KSR2: variants seen among roughly 807,000 people sequenced by gnomAD.
KSR2 encodes the protein kinase suppressor of ras 2.
KSR2 carries 25 observed loss-of-function variants against 107.8 expected under a neutral mutation model. The observed-to-expected ratio is 0.23, with a 90% CI of 0.17 to 0.32. KSR2 has a LOEUF of 0.32. Ranked by LOEUF, KSR2 falls within the 10% of genes least tolerant of loss-of-function variation. The pLI is 1.00. For missense variants in KSR2, 887 were observed against 1,268.9 expected (o/e 0.70, Z 4.57); for synonymous variants, 480 against 507.0 (o/e 0.95, Z 0.71).
chr12:117,839,753 C>G (rs1892386708), intron 3 of KSR2, among the ~76,000 whole-genome samples: 2 of 152,120 alleles, frequency 1.3e-5, no homozygotes, highest in Non-Finnish European at 2.9e-5. Context: ...AAAGATGCAG[C>G]CCAGAAAGTT....
chr12:117,584,143 A>G (rs77815785), intron 5 of KSR2, among the ~76,000 whole-genome samples: 1,690 of 152,326 alleles, frequency 0.011, 28 homozygotes, highest in African/African-American at 0.039. Context: ...TAAGAGGGAG[A>G]CAGCATGATT....
In KSR2 at chr12:117,968,523, G is replaced by A. The variant is rs1896866224; in HGVS notation, c.-268C>T. On this transcript the variant is annotated 5_prime_UTR_variant, in exon 1 of 20. Coordinates refer to ENST00000339824, the MANE Select transcript of KSR2 (RefSeq NM_173598.6). ...CTCTGAGTCTCTGGTCCCTGAAAAG[G>A]AGAGATGCTGTTTCTCAGAAGCAAA... 8.1e-7 allele frequency: 1 copy of A among 1,228,240 alleles called. No homozygotes were observed. Among genetic ancestry groups the A allele is most frequent in the African/African-American group, 1.6e-5 (1 of 64,118 alleles). 76.1% of individuals were successfully genotyped at this position (1,228,240 alleles called of 1,614,324 possible). A position where few individuals can be genotyped will look rare whatever the true frequency, so the allele number is the denominator to read the frequency against.
chr12:117,697,068 G>T (rs561184570), intron 4 of KSR2, among the ~76,000 whole-genome samples: 2 of 152,168 alleles, frequency 1.3e-5, no homozygotes, highest in African/African-American at 2.4e-5. Flanking sequence ...TTTTGCGGAC[G>T]CTAGTTTGGG....
At chr12:117,728,496 C>T (rs779423590) in intron 4 of KSR2, among the ~76,000 whole-genome samples, 4 of 152,178 alleles carry the variant, frequency 2.6e-5, no homozygotes, top group Non-Finnish European at 5.9e-5. Context: ...TGGAATGGAA[C>T]ATTAACTTCT....
chr12:117,899,244 A>C (rs931407360), intron 1 of KSR2, among the ~76,000 whole-genome samples: 5 of 151,950 alleles, frequency 3.3e-5, no homozygotes, highest in South Asian at 2.1e-4. Context: ...TTGTAATCCT[A>C]CTCTTTGTGG....
chr12:117,786,220 G>A (rs1032607177), intron 3 of KSR2, among the ~76,000 whole-genome samples: 1 of 152,086 alleles, frequency 6.6e-6, no homozygotes, highest in Non-Finnish European at 1.5e-5. Context: ...ATTTAAGAAA[G>A]AAGTATATTT....
intron 4 of KSR2, among the ~76,000 whole-genome samples, chr12:117,688,082 T>TAA (rs35948939): frequency 1.7e-3 from 251 of 152,020 alleles, no homozygotes; most frequent in African/African-American, 5.6e-3. Flanking sequence ...AATTCCCTTT[T>TAA]AAAAAAAAGT....
At chr12:117,900,221 G>C (rs1894640883) in intron 1 of KSR2, among the ~76,000 whole-genome samples, 1 of 152,154 alleles carries the variant, frequency 6.6e-6, no homozygotes, top group South Asian at 2.1e-4. Flanking sequence ...CTTATCCAGA[G>C]ACTCATTGAC....
At chr12:117,572,495 G>A (rs867709476) in intron 7 of KSR2, among the ~76,000 whole-genome samples, 1 of 152,008 alleles carries the variant, frequency 6.6e-6, no homozygotes, top group Non-Finnish European at 1.5e-5. Context: ...GCATCTCGAG[G>A]ACAAGTTTTT....
chr12:117,968,271 C>G lies in KSR2; in HGVS notation c.-16G>C. The G allele has an allele frequency of 6.4e-7, 1 of 1,560,378 alleles. No homozygotes were observed. The highest frequency in any genetic ancestry group is 2.3e-5 in the East Asian group (1 of 43,230). On this transcript the variant is annotated 5_prime_UTR_variant, in exon 1 of 20. Coordinates refer to ENST00000339824, the MANE Select transcript of KSR2 (RefSeq NM_173598.6). ...CCTCATCCATCGCTTGCTCTGCAAC[C>G]CCCTTCCCCTCCTCCTCCTCCCAGA...
chr12:117,625,979 T>C (rs932204362), intron 5 of KSR2, among the ~76,000 whole-genome samples: 7 of 152,228 alleles, frequency 4.6e-5, no homozygotes, highest in African/African-American at 1.4e-4. Context: ...GATTTCCTAG[T>C]TTATTTGCGT....
intron 1 of KSR2, among the ~76,000 whole-genome samples, chr12:117,864,843 A>G (rs1184636309): frequency 6.6e-6 from 1 of 152,214 alleles, no homozygotes. Flanking sequence ...TACATCTGCA[A>G]CAACCCTATT....
intron 1 of KSR2, among the ~76,000 whole-genome samples, chr12:117,893,738 G>T (rs1338404031): frequency 2.0e-5 from 3 of 152,190 alleles, no homozygotes; most frequent in Non-Finnish European, 2.9e-5. Flanking sequence ...CAATATCTGG[G>T]AGAGAGGTAA....
chr12:117,774,348 A>C (rs1404592100), intron 3 of KSR2, among the ~76,000 whole-genome samples: 1 of 152,246 alleles, frequency 6.6e-6, no homozygotes, highest in Admixed American at 6.5e-5. Context: ...AAGTAATTCA[A>C]CATTAGCAAG....
chr12:117,761,914 T>C (rs1156339223), intron 3 of KSR2, among the ~76,000 whole-genome samples: 1 of 152,230 alleles, frequency 6.6e-6, no homozygotes, highest in Non-Finnish European at 1.5e-5. Context: ...TGCATGCTAT[T>C]TCATATGCCC....
chr12:117,761,748 T>C (rs1322979293), intron 3 of KSR2, among the ~76,000 whole-genome samples: 1 of 152,198 alleles, frequency 6.6e-6, no homozygotes, highest in East Asian at 1.9e-4. Context: ...CATGTTACAC[T>C]ATATACCTGT....
chr12:117,821,007 T>A (rs1004311572), intron 3 of KSR2, among the ~76,000 whole-genome samples: 2 of 152,152 alleles, frequency 1.3e-5, no homozygotes, highest in African/African-American at 4.8e-5. Flanking sequence ...TAGGTTCAGA[T>A]CCTCTGCCAC....
chr12:117,662,185 T>C (rs1217304372), intron 5 of KSR2, among the ~76,000 whole-genome samples: 2 of 152,176 alleles, frequency 1.3e-5, no homozygotes, highest in Admixed American at 6.5e-5. Flanking sequence ...CCCCTTGGAA[T>C]TGGCACCACT....
intron 14 of KSR2, among the ~76,000 whole-genome samples, chr12:117,522,137 G>C (rs1043844771): frequency 6.6e-6 from 1 of 152,124 alleles, no homozygotes; most frequent in Non-Finnish European, 1.5e-5. Context: ...GCTTGGGGAG[G>C]GGGGCTCAGA....
Sources: allele counts gnomAD v4.1 joint callset (sites outside exome capture counted in the v4.1 genomes callset), GRCh38; gene constraint gnomAD v4.1.1; transcripts MANE v1.5; gene names NCBI Gene and HGNC (gene_info 2026-07-23, HGNC 2026-07-21).